PFKL: variants seen among roughly 807,000 people sequenced by gnomAD.
PFKL encodes the protein phosphofructokinase, liver type, also known as ATP-dependent 6-phosphofructokinase, liver type.
PFKL carries 74 observed loss-of-function variants against 92.1 expected under a neutral mutation model. The observed-to-expected ratio is 0.80, with a 90% CI of 0.67 to 0.97. The LOEUF (loss-of-function observed/expected upper bound fraction) is 0.97. Ranked by LOEUF, PFKL falls within the 50% of genes least tolerant of loss-of-function variation. The probability of loss-of-function intolerance (pLI) is 0.00; values close to 1 mark genes in which losing one functional copy is unlikely to be tolerated. For synonymous variants in PFKL, 494 were observed against 456.4 expected (o/e 1.08, Z -1.05); for missense variants, 1,028 against 1,116.6 (o/e 0.92, Z 1.13).
rs561826029 is a variant in PFKL at position 44,317,158 on chromosome 21, G to A, written c.936+634G>A. Among the ~76,000 whole-genome samples the A allele has an allele frequency of 3.1e-4, 47 of 152,336 alleles. No homozygotes were observed. In the South Asian group the frequency reaches 7.9e-3, roughly 26 times the overall value. ...CCAAATGGAGTGGGTCTGGGGCCAGGAAGGCACCATGGTAGGCAAAATGCC... is the reference window on the plus strand; with the variant it reads ...CCAAATGGAGTGGGTCTGGGGCCAGAAAGGCACCATGGTAGGCAAAATGCC... On this transcript the variant is annotated intron_variant, in intron 9 of 21. Transcript: ENST00000349048.
chr21:44,325,015 G>A (rs2047462272), intron 18 of PFKL, 98 bp downstream of exon 18: 2 of 1,290,332 alleles, frequency 1.5e-6, no homozygotes, highest in Non-Finnish European at 2.2e-6. Flanking sequence ...AGGCAGGAGG[G>A]GTCCTTGGAG....
At chr21:44,308,379 A>G (rs1354016057) in intron 2 of PFKL, among the ~76,000 whole-genome samples, 2 of 152,124 alleles carry the variant, frequency 1.3e-5, no homozygotes, top group African/African-American at 2.4e-5. Context: ...GGCCCAGGGA[A>G]GACTTCCCCT....
At chr21:44,309,750 C>G (rs1409742715) in intron 2 of PFKL, among the ~76,000 whole-genome samples, 1 of 152,184 alleles carries the variant, frequency 6.6e-6, no homozygotes, top group Non-Finnish European at 1.5e-5. Context: ...AGGGCTGGTA[C>G]AACCAGAGGG....
In PFKL at chr21:44,304,353, C is replaced by T. The variant is rs76022693; in HGVS notation, c.86-2328C>T. ...GACCCGCCCAGTGGCACATTGACTC[C>T]GCCTGGAGCTGGGGAGACCAGAGAG... On this transcript the variant is annotated intron_variant, in intron 1 of 21. Coordinates refer to ENST00000349048, the MANE Select transcript of PFKL (RefSeq NM_002626.6). 1.1e-3 allele frequency: 1,415 copies of T among 1,286,904 alleles called. 17 individuals carry two copies. The African/African-American group carries it at 0.02, about 18-fold the overall frequency. 79.7% of individuals were successfully genotyped at this position (1,286,904 alleles called of 1,614,324 possible). A position where few individuals can be genotyped will look rare whatever the true frequency, so the allele number is the denominator to read the frequency against.
chr21:44,319,381 A>G lies in PFKL; in HGVS notation c.1093A>G (p.Lys365Glu). ...TKEVQKAMDD[K>E]RFDEATQLRG... ...GGAAGTGCAGAAAGCCATGGATGAC[A>G]AGAGGTTTGACGAGGCCACCCAGCT... Residue 365 changes from lysine to glutamate, a missense_variant, in exon 11 of 22, where the codon AAG becomes GAG. Lys to Glu is a moderately conservative substitution (Grantham distance 56). Coordinates refer to ENST00000349048, the MANE Select transcript of PFKL (RefSeq NM_002626.6). 2 of 1,613,714 alleles carry G rather than the reference A, an allele frequency of 1.2e-6. No homozygotes were observed. The highest frequency in any genetic ancestry group is 1.7e-6 in the Non-Finnish European group (2 of 1,179,894).
intron 1 of PFKL, 24 bp downstream of exon 1, chr21:44,300,214 C>T (rs181640012): frequency 0.033 from 35,388 of 1,057,974 alleles, 695 homozygotes; most frequent in Non-Finnish European, 0.038. Flanking sequence ...CCGGCCGCGT[C>T]GCGGCGCAGG....
At chr21:44,301,802 G>A (rs1305504400) in intron 1 of PFKL, among the ~76,000 whole-genome samples, 3 of 152,230 alleles carry the variant, frequency 2.0e-5, no homozygotes, top group Non-Finnish European at 4.4e-5. Context: ...CAGCTTCCTT[G>A]TTTGCAAAGT....
At chr21:44,314,235 G>C in intron 7 of PFKL, 1 of 570,186 alleles carries the variant, frequency 1.8e-6, no homozygotes, top group Non-Finnish European at 3.1e-6. Context: ...TGGGCAGGAG[G>C]CGGAGAGGGT....
At position 44,303,469 on chromosome 21, in the gene PFKL, C is replaced by T. The variant is rs1432310775; in HGVS notation, c.86-3212C>T. 3.8e-5 allele frequency among the ~76,000 whole-genome samples: 5 copies of T among 131,608 alleles called. 1 individual carries two copies. The East Asian group carries it at 1.1e-3, about 28-fold the overall frequency. The allele number at this position is 131,608 out of a possible 152,430, so 86.3% of individuals were successfully genotyped here. On this transcript the variant is annotated intron_variant, in intron 1 of 21. Transcript: ENST00000349048. ...AAAAAAAAAAAATGGCCCGGCCTGC[C>T]TATGCCTACCTTCATCTCGCCCTGG... is the stretch of plus-strand genomic sequence containing the variant.
chr21:44,306,221 T>C (rs1001060090), intron 1 of PFKL, among the ~76,000 whole-genome samples: 2 of 145,794 alleles, frequency 1.4e-5, no homozygotes, highest in Non-Finnish European at 3.0e-5. Flanking sequence ...CCTGTGAGTG[T>C]GGGGGCTCCG....
chr21:44,304,243 C>T (rs1294976705), intron 1 of PFKL: 1 of 1,289,134 alleles, frequency 7.8e-7, no homozygotes, highest in Non-Finnish European at 1.0e-6. Flanking sequence ...CCTTGCTGAC[C>T]CCTGATCCTG....
At chr21:44,303,411 A>AG (rs2040830162) in intron 1 of PFKL, among the ~76,000 whole-genome samples, 2 of 135,848 alleles carry the variant, frequency 1.5e-5, no homozygotes, top group Non-Finnish European at 3.1e-5. Flanking sequence ...ACTCTGTCTC[A>AG]AAAAAAAAAA....
rs2047298115 is a variant in PFKL, at chr21:44,319,337, T to C, written c.1063-14T>C. On this transcript the variant is annotated splice_polypyrimidine_tract_variant and intron_variant, in intron 10 of 21. Transcript: ENST00000349048. ...AGGCTCTCCATAGTCTGTGTTCTGT[T>C]TCTCTTCCTTAAGACCAAGGAAGTG... 6.2e-7 allele frequency: 1 copy of C among 1,612,132 alleles called. No individual in the cohort carries two copies. The highest frequency in any genetic ancestry group is 1.3e-5 in the African/African-American group (1 of 75,004).
intron 1 of PFKL, chr21:44,305,428 C>T (rs1400316039): frequency 7.4e-7 from 1 of 1,357,418 alleles, no homozygotes; most frequent in African/African-American, 1.5e-5. Context: ...GTCAGCACCT[C>T]CAGCCTCTGC....
intron 2 of PFKL, among the ~76,000 whole-genome samples, chr21:44,308,450 T>G (rs184062612): frequency 2.8e-4 from 43 of 152,046 alleles, no homozygotes; most frequent in African/African-American, 8.0e-4. Context: ...AGGGCAGAGG[T>G]GCTGGCATTC....
chr21:44,300,200 G>A lies in PFKL; in HGVS notation c.85+10G>A. The A allele has an allele frequency of 1.8e-6, 2 of 1,089,526 alleles. No individual in the cohort carries two copies. The highest frequency in any genetic ancestry group is 1.1e-6 in the Non-Finnish European group (1 of 897,256). The allele number at this position is 1,089,526 out of a possible 1,614,324, so 67.5% of individuals were successfully genotyped here. A position where few individuals can be genotyped will look rare whatever the true frequency, so the allele number is the denominator to read the frequency against. On this transcript the variant is annotated intron_variant, in intron 1 of 21. Transcript: ENST00000349048. ...GGCGGCGACGCGCAAGGTGGGCGGG[G>A]GTCCCGGCCGCGTCGCGGCGCAGGG...
intron 3 of PFKL, 97 bp downstream of exon 3, chr21:44,311,180 A>C: frequency 1.2e-6 from 1 of 860,358 alleles, no homozygotes; most frequent in Non-Finnish European, 1.8e-6. Flanking sequence ...AGAGACAGAC[A>C]CGTGCACAAA....
In PFKL at chr21:44,326,851, A is replaced by G. The variant is rs1004940329; in HGVS notation, c.2332A>G (p.Lys778Glu). ...HVTRRTLSMD[K>E]GF ...GACCCGCCGCACCCTGAGCATGGACAAGGGCTTCTGAGGCCAGCCATGCCC... is the reference window on the plus strand; with the variant it reads ...GACCCGCCGCACCCTGAGCATGGACGAGGGCTTCTGAGGCCAGCCATGCCC... Residue 778 changes from lysine (K) to glutamate (E), a missense_variant, in exon 22 of 22, where the codon AAG becomes GAG. Physicochemically the swap from Lys to Glu is moderately conservative, Grantham distance 56 (BLOSUM62 1). Transcript: ENST00000349048. The G allele has an allele frequency of 1.2e-6, 2 of 1,609,188 alleles. No individual in the cohort carries two copies. The highest frequency in any genetic ancestry group is 1.7e-5 in the Admixed American group (1 of 59,754).
chr21:44,318,708 C>CAA (rs1198996065), intron 10 of PFKL, 113 bp downstream of exon 10: 7 of 988,930 alleles, frequency 7.1e-6, no homozygotes, highest in Non-Finnish European at 8.2e-6. Context: ...AGGGCAGGGC[C>CAA]TCGTGGCTGG....
Sources: allele counts gnomAD v4.1 joint callset (sites outside exome capture counted in the v4.1 genomes callset), GRCh38; gene constraint gnomAD v4.1.1; transcripts MANE v1.5; gene names NCBI Gene and HGNC (gene_info 2026-07-23, HGNC 2026-07-21).